CUBN: variants seen among roughly 807,000 people sequenced by gnomAD.
CUBN encodes the protein cubilin.
Under a neutral mutation model 405.3 loss-of-function variants are expected in CUBN, and 282 were observed. That is an observed-to-expected ratio of 0.70 (90% CI 0.63 to 0.77). CUBN has a LOEUF of 0.77. CUBN is among the 30% of genes least tolerant of loss of function. CUBN has a pLI of 0.00. For missense variants in CUBN, 4,514 were observed against 4,475.2 expected (o/e 1.01, Z -0.25); for synonymous variants, 1,684 against 1,617.0 (o/e 1.04, Z -0.99).
intron 31 of CUBN, among the ~76,000 whole-genome samples, chr10:16,959,082 T>G (rs1314222730): frequency 1.3e-5 from 2 of 152,152 alleles, no homozygotes; most frequent in Non-Finnish European, 2.9e-5. Flanking sequence ...CCATTCATGA[T>G]GGCAAGGCTT....
At position 17,071,981 on chromosome 10, in the gene CUBN, A is replaced by G. The variant is rs1835750656; in HGVS notation, c.2302-10T>C. 2 of 1,605,748 alleles carry G rather than the reference A, an allele frequency of 1.2e-6. No individual in the cohort carries two copies. The highest frequency in any genetic ancestry group is 1.7e-6 in the Non-Finnish European group (2 of 1,175,072). On this transcript the variant is annotated splice_polypyrimidine_tract_variant and intron_variant, in intron 17 of 66. Coordinates refer to ENST00000377833, the MANE Select transcript of CUBN (RefSeq NM_001081.4). ...TTTCACCATCTCGAACCTAAAGAGA[A>G]AAATAAAATAGAGATGTAATTCAAA...
At chr10:16,895,167 T>C (rs1841144193) in intron 54 of CUBN, among the ~76,000 whole-genome samples, 1 of 152,202 alleles carries the variant, frequency 6.6e-6, no homozygotes, top group African/African-American at 2.4e-5. Context: ...GTTACTGTTT[T>C]TTAGTTCAGT....
chr10:16,921,333 T>A (rs1564424959), intron 43 of CUBN, among the ~76,000 whole-genome samples: 1 of 152,108 alleles, frequency 6.6e-6, no homozygotes, highest in Non-Finnish European at 1.5e-5. Flanking sequence ...TACACTCTAT[T>A]TTTCCCTCTG....
rs773533105 is a variant in CUBN at position 17,109,713 on chromosome 10, C to T, written c.1038G>A (p.Val346=). ...CPPGYQGDGR[V]CTLTDICSVS... ...CTGAGCAGATGTCTGTGAGTGTGCA[C>T]ACTCTTCCGTCACCCTGGTACCCTG... Residue 346 remains valine (V), a synonymous_variant, in exon 10 of 67, where the codon GTG becomes GTA. Transcript: ENST00000377833. The T allele has an allele frequency of 3.3e-5, 53 of 1,613,656 alleles. No homozygotes were observed. Among genetic ancestry groups the T allele is most frequent in the Non-Finnish European group, 4.5e-5 (53 of 1,179,956 alleles).
At position 16,906,282 on chromosome 10, in the gene CUBN, T is replaced by G. The variant is rs200171751; in HGVS notation, c.7833A>C (p.Ser2611=). The G allele has an allele frequency of 1.5e-5, 25 of 1,613,938 alleles. No homozygotes were observed. The highest frequency in any genetic ancestry group is 2.1e-5 in the Non-Finnish European group (25 of 1,179,902). ...AATCTTCAAAGTGAATGGAAATGGATGAATTTCCCTGATTTGGATTGCTGA... is the reference window on the plus strand; with the variant it reads ...AATCTTCAAAGTGAATGGAAATGGAGGAATTTCCCTGATTTGGATTGCTGA... ...WTLSNPNQGN[S]SISIHFEDFY... Residue 2611 remains serine (S), a synonymous_variant, in exon 50 of 67, where the codon TCA becomes TCC. Transcript: ENST00000377833.
At chr10:16,990,669 TA>T (rs1833559284) in intron 28 of CUBN, among the ~76,000 whole-genome samples, 154 bp from the exon 29 acceptor site, 1 of 152,228 alleles carries the variant, frequency 6.6e-6, no homozygotes, top group Admixed American at 6.5e-5. Flanking sequence ...TATGCAGTTA[TA>T]AAACAATGAG....
intron 38 of CUBN, among the ~76,000 whole-genome samples, 161 bp downstream of exon 38, chr10:16,938,802 G>A (rs1450169660): frequency 6.6e-6 from 1 of 151,994 alleles, no homozygotes; most frequent in Non-Finnish European, 1.5e-5. Flanking sequence ...TACTGAAATT[G>A]CCTTTGTCCA....
At chr10:16,847,067 C>T (rs1839536656) in intron 60 of CUBN, among the ~76,000 whole-genome samples, 1 of 152,132 alleles carries the variant, frequency 6.6e-6, no homozygotes, top group Non-Finnish European at 1.5e-5. Context: ...CCAATCAGAG[C>T]CTCTTCTGCT....
intron 49 of CUBN, 59 bp from the exon 50 acceptor site, chr10:16,906,468 G>A (rs1317437339): frequency 1.7e-6 from 2 of 1,171,772 alleles, no homozygotes; most frequent in Non-Finnish European, 2.6e-6. Flanking sequence ...CAACGGAAGA[G>A]ATAAACAATA....
intron 66 of CUBN, among the ~76,000 whole-genome samples, chr10:16,825,689 G>A (rs1348398135): frequency 2.8e-5 from 4 of 144,488 alleles, no homozygotes; most frequent in Non-Finnish European, 6.0e-5. Context: ...GGGATACATG[G>A]GTCCCCGTTG....
intron 29 of CUBN, among the ~76,000 whole-genome samples, chr10:16,989,334 TATATA>T (rs1215945964): frequency 3.4e-5 from 5 of 148,792 alleles, no homozygotes; most frequent in Admixed American, 2.0e-4. Context: ...TACATTAAAA[TATATA>T]ATATAATAAT....
rs1339200171 is a variant in CUBN, at chr10:16,824,045, T to C, written c.*930A>G. On this transcript the variant is annotated 3_prime_UTR_variant, in exon 67 of 67. Transcript: ENST00000377833. The stretch of plus-strand genomic sequence containing the variant: ...TATGCTTCTATATTATCATTAACTT[T>C]TGTTGTTCTTGTTGTCATTTTTGAG... 1 of 152,182 alleles carries C rather than the reference T, an allele frequency of 6.6e-6. No homozygotes were observed. The highest frequency in any genetic ancestry group is 1.5e-5 in the Non-Finnish European group (1 of 68,026). The allele number at this position is 152,182 out of a possible 1,614,324, so 9.4% of individuals were successfully genotyped here.
intron 54 of CUBN, among the ~76,000 whole-genome samples, chr10:16,897,705 A>C (rs138264558): frequency 3.9e-5 from 6 of 152,252 alleles, no homozygotes; most frequent in African/African-American, 1.4e-4. Flanking sequence ...CTGCTTGCCG[A>C]AGCTGGGTCC....
intron 51 of CUBN, among the ~76,000 whole-genome samples, chr10:16,903,548 T>C (rs553408942): frequency 1.9e-3 from 288 of 151,260 alleles, no homozygotes; most frequent in Non-Finnish European, 3.3e-3. Context: ...AATAAGAGGA[T>C]AGCTAGATCT....
intron 31 of CUBN, among the ~76,000 whole-genome samples, chr10:16,973,606 A>T (rs1288604759): frequency 9.2e-6 from 1 of 108,636 alleles, no homozygotes; most frequent in Non-Finnish European, 2.3e-5. Flanking sequence ...TGAGCAAAGA[A>T]CGTGATGGGT....
At chr10:16,893,397 TG>T (rs1841091180) in intron 54 of CUBN, among the ~76,000 whole-genome samples, 1 of 530 alleles carries the variant, frequency 1.9e-3, no homozygotes, top group Admixed American at 0.045. Context: ...CTTGAACTCG[TG>T]TGTGTGTGTG....
intron 61 of CUBN, 58 bp downstream of exon 61, chr10:16,840,827 T>C: frequency 6.9e-7 from 1 of 1,445,404 alleles, no homozygotes; most frequent in Non-Finnish European, 9.7e-7. Flanking sequence ...GGGCATTCTT[T>C]TCAGTGCATA....
intron 12 of CUBN, among the ~76,000 whole-genome samples, chr10:17,103,749 G>A (rs73602279): frequency 0.023 from 3,525 of 152,306 alleles, 144 homozygotes; most frequent in African/African-American, 0.08. Context: ...AGTCAAAAGT[G>A]ACTTTATGGA....
intron 49 of CUBN, 26 bp downstream of exon 49, chr10:16,907,482 G>A: frequency 6.2e-7 from 1 of 1,613,492 alleles, no homozygotes; most frequent in Non-Finnish European, 8.5e-7. Context: ...ATTAAAATGG[G>A]GGGCATTTAC....
Sources: gnomAD v4.1 joint callset for allele counts (sites outside exome capture counted in the v4.1 genomes callset) on GRCh38, gnomAD v4.1.1 for gene constraint, MANE v1.5 for transcripts, NCBI Gene and HGNC (gene_info 2026-07-23, HGNC 2026-07-21) for gene names.